Variants in ULK4 observed in about 807,000 individuals in gnomAD.
ULK4 encodes inactive serine/threonine-protein kinase ULK4.
ULK4 carries 133 observed loss-of-function variants against 160.6 expected under a neutral mutation model. That is an observed-to-expected ratio of 0.83 (90% CI 0.72 to 0.96). ULK4 has a LOEUF of 0.96. Ranked by LOEUF, ULK4 falls within the 40% of genes least tolerant of loss-of-function variation. ULK4 has a pLI of 0.00. For synonymous variants in ULK4, 534 were observed against 539.8 expected (o/e 0.99, Z 0.15); for missense variants, 1,580 against 1,499.5 (o/e 1.05, Z -0.89).
intron 17 of ULK4, among the ~76,000 whole-genome samples, chr3:41,862,101 C>T (rs894958376): frequency 2.3e-4 from 35 of 152,120 alleles, no homozygotes; most frequent in African/African-American, 7.0e-4. Context: ...GATACTGCAC[C>T]CAGCCTGGGT....
intron 34 of ULK4, among the ~76,000 whole-genome samples, chr3:41,420,744 G>A (rs1019918362): frequency 6.7e-5 from 10 of 148,312 alleles, no homozygotes; most frequent in Non-Finnish European, 1.2e-4. Context: ...CTCGGCCTCC[G>A]AAAATGCTGG....
chr3:41,431,847 T>C (rs1452116208), intron 34 of ULK4, among the ~76,000 whole-genome samples: 1 of 149,734 alleles, frequency 6.7e-6, no homozygotes, highest in Non-Finnish European at 1.5e-5. Context: ...TGGAGTGCAG[T>C]GGCGCGATCT....
chr3:41,787,501 C>T (rs2040031524), intron 21 of ULK4, among the ~76,000 whole-genome samples: 1 of 152,192 alleles, frequency 6.6e-6, no homozygotes, highest in Non-Finnish European at 1.5e-5. Flanking sequence ...AACCCAGCAA[C>T]ATCAATGCAG....
At chr3:41,305,535 A>C (rs1372880187) in intron 35 of ULK4, among the ~76,000 whole-genome samples, 11 of 152,364 alleles carry the variant, frequency 7.2e-5, no homozygotes, top group Non-Finnish European at 1.6e-4. Context: ...AATGTTGCCC[A>C]GGCTGGAGTG....
At position 41,947,525 on chromosome 3, in the gene ULK4, T is replaced by G. The variant is rs139709929; in HGVS notation, c.138+7097A>C. Reference sequence around the variant, plus strand: ...GGCCTCCTCAACTGGAGAGGGGGCATTGGTACCATGATCCAACAGATCTGA... The same window carrying G: ...GGCCTCCTCAACTGGAGAGGGGGCAGTGGTACCATGATCCAACAGATCTGA... On this transcript the variant is annotated intron_variant, in intron 2 of 36. Coordinates refer to ENST00000301831, the MANE Select transcript of ULK4 (RefSeq NM_017886.4). Among the ~76,000 whole-genome samples, 17 of 152,312 alleles carry G rather than the reference T, an allele frequency of 1.1e-4. No homozygotes were observed. The East Asian group carries it at 3.3e-3, about 29-fold the overall frequency.
At chr3:41,954,475 T>G (rs1275772190) in intron 2 of ULK4, 147 bp downstream of exon 2, 1 of 761,456 alleles carries the variant, frequency 1.3e-6, no homozygotes, top group African/African-American at 1.7e-5. Flanking sequence ...TCAGGACTGG[T>G]GGCACTGAAC....
intron 18 of ULK4, among the ~76,000 whole-genome samples, chr3:41,823,596 T>C (rs2041223893): frequency 6.6e-6 from 1 of 152,200 alleles, no homozygotes; most frequent in Non-Finnish European, 1.5e-5. Context: ...AGGGTGTTAC[T>C]AGAGAGCCAA....
intron 17 of ULK4, among the ~76,000 whole-genome samples, chr3:41,859,824 A>ATTTTT (rs397875093): frequency 4.3e-5 from 5 of 115,882 alleles, no homozygotes; most frequent in African/African-American, 6.9e-5. Context: ...TGCCTGGCTA[A>ATTTTT]TTTTTTTTTT....
At chr3:41,592,377 G>A (rs1164190445) in intron 31 of ULK4, among the ~76,000 whole-genome samples, 1 of 152,130 alleles carries the variant, frequency 6.6e-6, no homozygotes, top group Admixed American at 6.5e-5. Flanking sequence ...GGGTCCTCGG[G>A]CGGGCTGCCT....
intron 32 of ULK4, among the ~76,000 whole-genome samples, chr3:41,508,078 G>C (rs1044200868): frequency 3.9e-5 from 6 of 152,184 alleles, no homozygotes; most frequent in Admixed American, 3.9e-4. Flanking sequence ...TACTAGAGTC[G>C]GTGCCGCTGG....
chr3:41,604,516 T>C (rs2032274666), intron 31 of ULK4, among the ~76,000 whole-genome samples: 1 of 152,060 alleles, frequency 6.6e-6, no homozygotes, highest in Non-Finnish European at 1.5e-5. Context: ...GACCAAAAGA[T>C]ACATAACATT....
chr3:41,347,991 T>C (rs1335637207), intron 35 of ULK4, among the ~76,000 whole-genome samples: 1 of 151,948 alleles, frequency 6.6e-6, no homozygotes, highest in Non-Finnish European at 1.5e-5. Flanking sequence ...GTGGATCACC[T>C]GAGGTCAGGA....
At chr3:41,522,956 G>A (rs1016671604) in intron 32 of ULK4, among the ~76,000 whole-genome samples, 3 of 152,094 alleles carry the variant, frequency 2.0e-5, no homozygotes, top group Non-Finnish European at 4.4e-5. Flanking sequence ...CTATCGCCCA[G>A]GCTGGAGTAC....
intron 30 of ULK4, among the ~76,000 whole-genome samples, chr3:41,655,786 T>TA (rs1248091731): frequency 6.6e-6 from 1 of 152,210 alleles, no homozygotes; most frequent in South Asian, 2.1e-4. Flanking sequence ...TAATTGAGGG[T>TA]AAAAAACTTA....
intron 21 of ULK4, among the ~76,000 whole-genome samples, chr3:41,780,905 A>T (rs2039818344): frequency 1.3e-5 from 2 of 152,134 alleles, no homozygotes; most frequent in South Asian, 4.1e-4. Flanking sequence ...AAGTTAACTG[A>T]AATTCAAATT....
chr3:41,453,160 T>C (rs971970679), intron 34 of ULK4, among the ~76,000 whole-genome samples: 2 of 152,070 alleles, frequency 1.3e-5, no homozygotes, highest in South Asian at 2.1e-4. Flanking sequence ...GTGGTGAAAT[T>C]GCGTTTTTTT....
At chr3:41,449,817 T>C (rs1010200370) in intron 34 of ULK4, among the ~76,000 whole-genome samples, 1 of 150,782 alleles carries the variant, frequency 6.6e-6, no homozygotes, top group Non-Finnish European at 1.5e-5. Flanking sequence ...ACTGGCACAG[T>C]GATCTCAGAA....
intron 35 of ULK4, among the ~76,000 whole-genome samples, chr3:41,347,113 C>T (rs200740866): frequency 6.6e-6 from 1 of 152,048 alleles, no homozygotes; most frequent in East Asian, 1.9e-4. Context: ...AAGATTTATA[C>T]CTTTTTCTGA....
chr3:41,858,226 C>T (rs1294779362), intron 17 of ULK4, among the ~76,000 whole-genome samples: 1 of 133,694 alleles, frequency 7.5e-6, no homozygotes, highest in African/African-American at 2.7e-5. Context: ...TCTTGGCTTA[C>T]TGCAAGCCTC....
Sources: gnomAD v4.1 joint callset for allele counts (sites outside exome capture counted in the v4.1 genomes callset) on GRCh38, gnomAD v4.1.1 for gene constraint, MANE v1.5 for transcripts, NCBI Gene and HGNC (gene_info 2026-07-23, HGNC 2026-07-21) for gene names.